The following DLG2 variants were observed in gnomAD, a reference collection of about 807,000 sequenced individuals.
DLG2 encodes discs large MAGUK scaffold protein 2.
In DLG2, 45 loss-of-function variants were observed where a neutral mutation model predicts 132.5. That is an observed-to-expected ratio of 0.34 (90% confidence interval 0.27 to 0.44). The LOEUF (loss-of-function observed/expected upper bound fraction) is 0.44. Ranked by LOEUF, DLG2 falls within the 20% of genes least tolerant of loss-of-function variation. The pLI is 1.00. For missense variants in DLG2, 1,045 were observed against 1,196.9 expected (o/e 0.87, Z 1.87); for synonymous variants, 424 against 419.6 (o/e 1.01, Z -0.13).
At chr11:84,873,268 T>G (rs576088839) in intron 6 of DLG2, among the ~76,000 whole-genome samples, 2 of 152,190 alleles carry the variant, frequency 1.3e-5, no homozygotes, top group South Asian at 4.2e-4. Flanking sequence ...AGCAATGCAC[T>G]GTCAAGGTGG....
At chr11:85,145,005 C>T (rs1352056362) in intron 5 of DLG2, among the ~76,000 whole-genome samples, 2 of 152,048 alleles carry the variant, frequency 1.3e-5, no homozygotes, top group Non-Finnish European at 2.9e-5. Context: ...AGGACAAGTC[C>T]ACTGTTGATG....
chr11:85,274,916 G>A (rs1207691216), intron 4 of DLG2, among the ~76,000 whole-genome samples: 2 of 152,046 alleles, frequency 1.3e-5, no homozygotes, highest in Non-Finnish European at 2.9e-5. Context: ...TATTAGCATT[G>A]GATCATACCC....
At chr11:85,303,092 T>C (rs552466128) in intron 3 of DLG2, among the ~76,000 whole-genome samples, 1 of 152,306 alleles carries the variant, frequency 6.6e-6, no homozygotes, top group African/African-American at 2.4e-5. Flanking sequence ...TAGAGCTTAT[T>C]TTATGTTTAG....
chr11:84,361,765 G>A (rs778002419), intron 7 of DLG2, among the ~76,000 whole-genome samples: 2 of 151,982 alleles, frequency 1.3e-5, no homozygotes, highest in Non-Finnish European at 2.9e-5. Flanking sequence ...AAATAAAATT[G>A]TGCACAAGAG....
chr11:83,475,731 CTTT>C (rs1591472891), intron 22 of DLG2, among the ~76,000 whole-genome samples: 18 of 151,170 alleles, frequency 1.2e-4, no homozygotes, highest in African/African-American at 3.4e-4. Flanking sequence ...CTTTTCTTTT[CTTT>C]TCTCTCTCTT....
At chr11:84,417,112 G>T (rs2098932385) in intron 7 of DLG2, among the ~76,000 whole-genome samples, 1 of 152,194 alleles carries the variant, frequency 6.6e-6, no homozygotes, top group Non-Finnish European at 1.5e-5. Flanking sequence ...ATAGTGTCCA[G>T]CACACAGTAA....
chr11:84,434,985 CATTG>C (rs1268230772), intron 7 of DLG2, among the ~76,000 whole-genome samples: 1 of 151,006 alleles, frequency 6.6e-6, no homozygotes, highest in Non-Finnish European at 1.5e-5. Flanking sequence ...AATCATTGTC[CATTG>C]TAAAGATATA....
intron 22 of DLG2, 51 bp downstream of exon 22, chr11:83,484,078 A>C: frequency 6.7e-7 from 1 of 1,501,972 alleles, no homozygotes; most frequent in Non-Finnish European, 9.3e-7. Flanking sequence ...TTGCCTGTGA[A>C]TTTTTTTTCT....
At chr11:83,569,553 C>G (rs605825) in intron 19 of DLG2, among the ~76,000 whole-genome samples, 72,477 of 151,940 alleles carry the variant, frequency 0.48, 17,925 homozygotes, top group Admixed American at 0.57. Context: ...TATACAAAAG[C>G]CTCTGGCTAA....
intron 7 of DLG2, among the ~76,000 whole-genome samples, chr11:84,266,698 A>G (rs1283525625): frequency 6.6e-6 from 1 of 152,228 alleles, no homozygotes; most frequent in Non-Finnish European, 1.5e-5. Context: ...ACCTCAACAT[A>G]TGATGGTTCA....
At chr11:83,710,775 T>C (rs1392978186) in intron 18 of DLG2, among the ~76,000 whole-genome samples, 2 of 152,174 alleles carry the variant, frequency 1.3e-5, no homozygotes, top group African/African-American at 4.8e-5. Flanking sequence ...TCCTATGTAT[T>C]TTTCTAGTAG....
At chr11:84,793,433 G>C (rs1310537912) in intron 6 of DLG2, among the ~76,000 whole-genome samples, 1 of 152,176 alleles carries the variant, frequency 6.6e-6, no homozygotes, top group East Asian at 1.9e-4. Flanking sequence ...CTAAAGTGCA[G>C]GTTAAGTCTG....
At chr11:84,196,347 T>C (rs1467277818) in intron 8 of DLG2, among the ~76,000 whole-genome samples, 5 of 152,074 alleles carry the variant, frequency 3.3e-5, no homozygotes, top group African/African-American at 7.2e-5. Context: ...CAGATGGGTA[T>C]AGGGGTAAGA....
intron 7 of DLG2, among the ~76,000 whole-genome samples, chr11:84,419,808 A>G (rs2098942495): frequency 6.6e-6 from 1 of 152,154 alleles, no homozygotes; most frequent in African/African-American, 2.4e-5. Context: ...TTTTGCTCCT[A>G]ATTAAGAGCA....
At chr11:84,238,758 C>G (rs2097191011) in intron 8 of DLG2, among the ~76,000 whole-genome samples, 1 of 151,822 alleles carries the variant, frequency 6.6e-6, no homozygotes, top group Non-Finnish European at 1.5e-5. Flanking sequence ...CTCATTTCCT[C>G]TCCTTGATTT....
intron 18 of DLG2, among the ~76,000 whole-genome samples, chr11:83,784,594 GC>G (rs1197862792): frequency 1.3e-5 from 2 of 152,164 alleles, no homozygotes; most frequent in African/African-American, 4.8e-5. Flanking sequence ...TATAGGACAT[GC>G]TTTGAACAAG....
At chr11:85,187,374 TA>T (rs1368680620) in intron 4 of DLG2, among the ~76,000 whole-genome samples, 2 of 152,116 alleles carry the variant, frequency 1.3e-5, no homozygotes, top group African/African-American at 2.4e-5. Flanking sequence ...TGTCATGACC[TA>T]ACGGTTCATT....
intron 8 of DLG2, among the ~76,000 whole-genome samples, chr11:84,171,878 A>G (rs2095832150): frequency 6.6e-6 from 1 of 152,204 alleles, no homozygotes; most frequent in Admixed American, 6.5e-5. Flanking sequence ...TTGCATTAAT[A>G]CAACTAGATT....
At chr11:85,622,939 T>G (rs1178153310) in intron 2 of DLG2, among the ~76,000 whole-genome samples, 1 of 151,404 alleles carries the variant, frequency 6.6e-6, no homozygotes, top group Admixed American at 6.6e-5. Flanking sequence ...GCACCTGTAA[T>G]CCCAGCTACT....
Sources: gnomAD v4.1 joint callset for allele counts (sites outside exome capture counted in the v4.1 genomes callset) on GRCh38, gnomAD v4.1.1 for gene constraint, MANE v1.5 for transcripts, NCBI Gene and HGNC (gene_info 2026-07-23, HGNC 2026-07-21) for gene names.